Variants in CORIN observed in about 807,000 individuals in gnomAD.
The protein encoded by CORIN is corin, serine peptidase, also known as atrial natriuretic peptide-converting enzyme.
In CORIN, 117 loss-of-function variants were observed where a neutral mutation model predicts 125.3. That is an observed-to-expected ratio of 0.93 (90% confidence interval 0.80 to 1.09). CORIN has a LOEUF of 1.09. Among genes scored for constraint, CORIN ranks in the 50% least tolerant of loss-of-function variants. The probability of loss-of-function intolerance (pLI) is 0.00; values close to 1 mark genes in which losing one functional copy is unlikely to be tolerated. For synonymous variants in CORIN, 450 were observed against 466.4 expected (o/e 0.96, Z 0.45); for missense variants, 1,253 against 1,306.7 (o/e 0.96, Z 0.63).
intron 5 of CORIN, among the ~76,000 whole-genome samples, chr4:47,693,306 GGA>G (rs1248213091): frequency 1.3e-5 from 2 of 152,328 alleles, no homozygotes; most frequent in South Asian, 4.1e-4. Flanking sequence ...GAGGAAAGCA[GGA>G]GATAGTTCAC....
chr4:47,728,892 G>A (rs1727725364), intron 5 of CORIN, among the ~76,000 whole-genome samples: 1 of 152,210 alleles, frequency 6.6e-6, no homozygotes, highest in African/African-American at 2.4e-5. Flanking sequence ...GCAAGAGAGT[G>A]AGAAGAATGA....
Position 47,775,340 on chromosome 4 carries a change from G to A in CORIN, c.409+11385C>T, listed in dbSNP as rs532719975. ...CCCATTAATTCTTCATTTACATTAGGTATATCTCCTAATGCTATCTCTCCC... is the reference window on the plus strand; with the variant it reads ...CCCATTAATTCTTCATTTACATTAGATATATCTCCTAATGCTATCTCTCCC... On this transcript the variant is annotated intron_variant, in intron 3 of 21. Transcript: ENST00000273857. 1.1e-3 allele frequency among the ~76,000 whole-genome samples: 171 copies of A among 151,962 alleles called. 3 individuals are homozygous for A. The highest frequency in any genetic ancestry group is 0.01 in the Admixed American group (155 of 15,260).
intron 2 of CORIN, among the ~76,000 whole-genome samples, chr4:47,788,757 T>C (rs1275712191): frequency 6.6e-6 from 1 of 152,216 alleles, no homozygotes; most frequent in African/African-American, 2.4e-5. Context: ...AATGAATATA[T>C]AGGCCCATTA....
intron 5 of CORIN, among the ~76,000 whole-genome samples, chr4:47,705,265 G>A (rs1726494702): frequency 6.6e-6 from 1 of 152,072 alleles, no homozygotes; most frequent in African/African-American, 2.4e-5. Context: ...TCAGCTACAT[G>A]AAAGTTTTGC....
At chr4:47,661,018 C>G (rs1282982551) in intron 12 of CORIN, among the ~76,000 whole-genome samples, 1 of 151,606 alleles carries the variant, frequency 6.6e-6, no homozygotes, top group South Asian at 2.1e-4. Flanking sequence ...GAGATCCTGT[C>G]GTTTGCAACA....
intron 19 of CORIN, among the ~76,000 whole-genome samples, chr4:47,608,781 T>C (rs1329602509): frequency 6.6e-6 from 1 of 152,152 alleles, no homozygotes; most frequent in African/African-American, 2.4e-5. Context: ...CACTATAGCA[T>C]CCAGAGGAAT....
At chr4:47,704,937 C>T (rs183263591) in intron 5 of CORIN, among the ~76,000 whole-genome samples, 3 of 152,126 alleles carry the variant, frequency 2.0e-5, no homozygotes, top group Non-Finnish European at 2.9e-5. Context: ...CTGTGAGGCA[C>T]ACACAGGGAA....
At chr4:47,776,045 G>A (rs1357748162) in intron 3 of CORIN, among the ~76,000 whole-genome samples, 1 of 149,110 alleles carries the variant, frequency 6.7e-6, no homozygotes, top group African/African-American at 2.5e-5. Flanking sequence ...TTTGAGTCAA[G>A]GTTTCACTCT....
At chr4:47,655,212 G>A (rs62299170) in intron 12 of CORIN, among the ~76,000 whole-genome samples, 6,374 of 152,004 alleles carry the variant, frequency 0.042, 196 homozygotes, top group Non-Finnish European at 0.067. Flanking sequence ...GAGACTCTGA[G>A]ATGGGCTGGC....
At chr4:47,626,667 G>A (rs919016304) in intron 16 of CORIN, 146 bp from the exon 17 acceptor site, 7 of 669,732 alleles carry the variant, frequency 1.0e-5, no homozygotes, top group South Asian at 1.7e-5. Flanking sequence ...GTTACAAATT[G>A]TTAGAGCTGT....
In CORIN at chr4:47,808,660, A is replaced by G. The variant is rs954466464; in HGVS notation, c.64-1613T>C. 4.6e-5 allele frequency among the ~76,000 whole-genome samples: 7 copies of G among 152,202 alleles called. No individual in the cohort carries two copies. The East Asian group carries it at 1.3e-3, about 29-fold the overall frequency. ...TGTACCTGGATTAAGCTACCAGCCA[A>G]TGTGTTATAATTTATAGTTAATTTA... On this transcript the variant is annotated intron_variant, in intron 1 of 21. Transcript: ENST00000273857.
At chr4:47,700,520 T>C (rs569119120) in intron 5 of CORIN, among the ~76,000 whole-genome samples, 41 of 152,292 alleles carry the variant, frequency 2.7e-4, no homozygotes, top group African/African-American at 9.6e-4. Flanking sequence ...CTTAGGATGG[T>C]ACAAGGATGC....
chr4:47,607,363 G>A (rs748576931), intron 19 of CORIN, among the ~76,000 whole-genome samples: 5 of 151,168 alleles, frequency 3.3e-5, no homozygotes, highest in East Asian at 1.9e-4. Flanking sequence ...AGCCCAGATC[G>A]CGCCACTGCA....
chr4:47,827,700 T>C (rs911081358), intron 1 of CORIN, among the ~76,000 whole-genome samples: 4 of 152,236 alleles, frequency 2.6e-5, no homozygotes, highest in Admixed American at 1.3e-4. Flanking sequence ...ATTTTTATTA[T>C]GTTTTTTTAA....
At chr4:47,706,075 T>C (rs1726538203) in intron 5 of CORIN, among the ~76,000 whole-genome samples, 1 of 152,228 alleles carries the variant, frequency 6.6e-6, no homozygotes, top group African/African-American at 2.4e-5. Flanking sequence ...ACTCAGCCAG[T>C]TTTGTTTCAA....
intron 21 of CORIN, among the ~76,000 whole-genome samples, chr4:47,598,276 C>A (rs1196610069): frequency 6.6e-6 from 1 of 151,986 alleles, no homozygotes; most frequent in East Asian, 1.9e-4. Context: ...TAATAGAGGT[C>A]TAAGTAGAAA....
In CORIN at chr4:47,656,410, C is replaced by A. The variant is rs573483472; in HGVS notation, c.1736-2750G>T. ...ACCTCAGGTGATCCACCCACCTCAG[C>A]CTCCCAAAGTCCTGGCAAGACAGGC... is the stretch of plus-strand genomic sequence containing the variant. On this transcript the variant is annotated intron_variant, in intron 12 of 21. Transcript: ENST00000273857. Among the ~76,000 whole-genome samples the A allele has an allele frequency of 1.1e-3, 168 of 152,264 alleles. 2 individuals carry two copies. The Middle Eastern group carries it at 0.014, about 12-fold the overall frequency.
chr4:47,642,030 C>T lies in CORIN; in HGVS notation c.2088G>A (p.Val696=). The T allele has an allele frequency of 6.2e-7, 1 of 1,613,106 alleles. No individual in the cohort carries two copies. The highest frequency in any genetic ancestry group is 8.5e-7 in the Non-Finnish European group (1 of 1,179,474). The change falls in exon 16 of 22, where the codon GTG becomes GTA. Residue 696 remains valine (V), a synonymous_variant. Coordinates refer to ENST00000273857, the MANE Select transcript of CORIN (RefSeq NM_006587.4). ...EWDCVTLSIN[V]NSSSFLMVHR... ...GAACCATCAGAAAGGAAGAGGAGTTCACATTTATAGAGAGGGTCACTAGGG... is the reference window on the plus strand; with the variant it reads ...GAACCATCAGAAAGGAAGAGGAGTTTACATTTATAGAGAGGGTCACTAGGG...
intron 19 of CORIN, among the ~76,000 whole-genome samples, chr4:47,618,912 C>A (rs1298913545): frequency 1.3e-5 from 2 of 151,990 alleles, no homozygotes; most frequent in Non-Finnish European, 2.9e-5. Flanking sequence ...AACCAAAAAT[C>A]TTGTTGGATT....
Sources: allele counts gnomAD v4.1 joint callset (sites outside exome capture counted in the v4.1 genomes callset), GRCh38; gene constraint gnomAD v4.1.1; transcripts MANE v1.5; gene names NCBI Gene and HGNC (gene_info 2026-07-23, HGNC 2026-07-21).